Variants in DLC1 observed in about 807,000 individuals in gnomAD.
DLC1 encodes rho GTPase-activating protein 7.
In DLC1, 54 loss-of-function variants were observed where a neutral mutation model predicts 140.3. The observed-to-expected ratio is 0.38, with a 90% CI of 0.31 to 0.48. The LOEUF (loss-of-function observed/expected upper bound fraction) is 0.48. Among genes scored for constraint, DLC1 ranks in the 20% least tolerant of loss-of-function variants. The pLI is 0.96. For missense variants in DLC1, 2,536 were observed against 1,907.0 expected (o/e 1.33, Z -6.14); for synonymous variants, 986 against 728.1 (o/e 1.35, Z -5.70).
At chr8:13,289,418 A>G (rs1831670997) in intron 5 of DLC1, among the ~76,000 whole-genome samples, 1 of 152,096 alleles carries the variant, frequency 6.6e-6, no homozygotes, top group South Asian at 2.1e-4. Flanking sequence ...TATAAAACTC[A>G]TGGCCTCAAG....
intron 2 of DLC1, among the ~76,000 whole-genome samples, chr8:13,492,468 C>T (rs1801298799): frequency 2.4e-5 from 1 of 41,070 alleles, no homozygotes; most frequent in African/African-American, 5.4e-5. Flanking sequence ...CTATTTTAGC[C>T]TGTCCTTTTT....
At chr8:13,251,049 GT>G (rs1164565800) in intron 5 of DLC1, among the ~76,000 whole-genome samples, 2 of 152,190 alleles carry the variant, frequency 1.3e-5, no homozygotes, top group Admixed American at 6.5e-5. Context: ...TACCCTGAAG[GT>G]TGGTATCTGG....
chr8:13,410,144 T>A (rs770513501), intron 2 of DLC1, among the ~76,000 whole-genome samples: 1 of 152,050 alleles, frequency 6.6e-6, no homozygotes, highest in Non-Finnish European at 1.5e-5. Context: ...TCAAACTGAT[T>A]TGAAATGTTT....
chr8:13,284,500 C>T lies in DLC1; in HGVS notation c.1348+20769G>A, dbSNP rs142013424. On this transcript the variant is annotated intron_variant, in intron 5 of 17. Transcript: ENST00000276297. ...TGAGATCGCGCCATTGCACTCCAGC[C>T]TGGGTGACAGAGCAAGATTCCGTCT... is the stretch of plus-strand genomic sequence containing the variant. 5.1e-3 allele frequency among the ~76,000 whole-genome samples: 781 copies of T among 152,044 alleles called. 7 individuals carry two copies. The highest frequency in any genetic ancestry group is 0.018 in the African/African-American group (743 of 41,460).
At chr8:13,112,052 T>C (rs1390469632) in intron 6 of DLC1, among the ~76,000 whole-genome samples, 2 of 152,140 alleles carry the variant, frequency 1.3e-5, no homozygotes, top group African/African-American at 2.4e-5. Context: ...CATGGGATGC[T>C]GAGGTGGAAG....
At chr8:13,394,543 A>G (rs574125632) in intron 3 of DLC1, among the ~76,000 whole-genome samples, 12 of 152,306 alleles carry the variant, frequency 7.9e-5, no homozygotes, top group African/African-American at 2.6e-4. Context: ...TTGGTTGCAC[A>G]GAGGAAAGGT....
chr8:13,439,983 T>C (rs891709737), intron 2 of DLC1, among the ~76,000 whole-genome samples: 1 of 152,158 alleles, frequency 6.6e-6, no homozygotes, highest in Non-Finnish European at 1.5e-5. Flanking sequence ...ATAAAAATAG[T>C]TAAGTGTTCC....
At chr8:13,215,807 G>A (rs1055034854) in intron 5 of DLC1, among the ~76,000 whole-genome samples, 3 of 151,954 alleles carry the variant, frequency 2.0e-5, no homozygotes, top group Non-Finnish European at 4.4e-5. Context: ...TTTTTCACTC[G>A]TAATCTTTCG....
At chr8:13,221,034 CTAG>C (rs1197252217) in intron 5 of DLC1, among the ~76,000 whole-genome samples, 1 of 152,112 alleles carries the variant, frequency 6.6e-6, no homozygotes, top group Non-Finnish European at 1.5e-5. Context: ...CAAGGGGGTA[CTAG>C]AGGTTACTCC....
Position 13,239,173 on chromosome 8 carries a change from T to A in DLC1, c.1348+66096A>T, listed in dbSNP as rs879374684. 7.7e-4 allele frequency among the ~76,000 whole-genome samples: 118 copies of A among 152,300 alleles called. 3 individuals carry two copies. The highest frequency in any genetic ancestry group is 7.3e-3 in the Admixed American group (111 of 15,292). On this transcript the variant is annotated intron_variant, in intron 5 of 17. Transcript: ENST00000276297. ...GAAGAACAACTGGCAATATGTTATATCTAGTGCTCACTGTGGAGAATCAAC... is the reference window on the plus strand; with the variant it reads ...GAAGAACAACTGGCAATATGTTATAACTAGTGCTCACTGTGGAGAATCAAC...
At chr8:13,099,063 A>AT (rs367815026) in intron 9 of DLC1, among the ~76,000 whole-genome samples, 1 of 151,980 alleles carries the variant, frequency 6.6e-6, no homozygotes, top group African/African-American at 2.4e-5. Context: ...CATTTTCACC[A>AT]TTTTTAAATG....
At chr8:13,128,897 C>CAAGGCAGAA (rs1264677225) in intron 5 of DLC1, among the ~76,000 whole-genome samples, 3 of 3,348 alleles carry the variant, frequency 9.0e-4, no homozygotes, top group African/African-American at 2.4e-3. Flanking sequence ...TTCCTGTTCT[C>CAAGGCAGAA]CATTAATTAT....
chr8:13,238,110 G>A (rs1829375711), intron 5 of DLC1, among the ~76,000 whole-genome samples: 1 of 152,140 alleles, frequency 6.6e-6, no homozygotes, highest in Non-Finnish European at 1.5e-5. Flanking sequence ...TTCCTCATGT[G>A]TGTATGTGGG....
intron 5 of DLC1, among the ~76,000 whole-genome samples, chr8:13,271,754 A>C (rs1383764629): frequency 6.6e-6 from 1 of 152,206 alleles, no homozygotes; most frequent in Non-Finnish European, 1.5e-5. Flanking sequence ...GCATGATCAT[A>C]GCTCACTGTA....
In DLC1 at chr8:13,447,080, C is replaced by T. The variant is rs572467369; in HGVS notation, c.1024-45461G>A. On this transcript the variant is annotated intron_variant, in intron 2 of 17. Transcript: ENST00000276297. ...ATTTTTAAAAATTTCTCTAAACTTT[C>T]CCTGTGTGTAGAGCTCTAAAGCCTT... Among the ~76,000 whole-genome samples, 5 of 152,234 alleles carry T rather than the reference C, an allele frequency of 3.3e-5. No homozygotes were observed. The South Asian group carries it at 6.2e-4, about 19-fold the overall frequency.
chr8:13,496,766 A>G (rs1801522912), intron 2 of DLC1, among the ~76,000 whole-genome samples: 1 of 148,436 alleles, frequency 6.7e-6, no homozygotes, highest in African/African-American at 2.5e-5. Flanking sequence ...TAAATAATTA[A>G]CAAATTCTTA....
intron 5 of DLC1, among the ~76,000 whole-genome samples, chr8:13,245,633 C>T (rs1270158646): frequency 2.6e-5 from 4 of 152,094 alleles, no homozygotes; most frequent in South Asian, 4.2e-4. Flanking sequence ...GATACTGTAC[C>T]ACTCCCATCA....
At chr8:13,305,004 T>C in intron 5 of DLC1, 1 of 1,100,934 alleles carries the variant, frequency 9.1e-7, no homozygotes. Flanking sequence ...TTCTTTTGCT[T>C]AAGAAAAAAA....
chr8:13,262,222 G>A (rs889242051), intron 5 of DLC1, among the ~76,000 whole-genome samples: 4 of 151,920 alleles, frequency 2.6e-5, no homozygotes, highest in Admixed American at 1.3e-4. Context: ...TTAGAGAGAA[G>A]TTCTAACTGA....
Sources: allele counts gnomAD v4.1 joint callset (sites outside exome capture counted in the v4.1 genomes callset), GRCh38; gene constraint gnomAD v4.1.1; transcripts MANE v1.5; gene names NCBI Gene and HGNC (gene_info 2026-07-23, HGNC 2026-07-21).